The following CAMTA1 variants were observed in gnomAD, a reference collection of about 807,000 sequenced individuals.
CAMTA1 encodes calmodulin-binding transcription activator 1.
A neutral mutation model predicts 170.9 loss-of-function variants in CAMTA1; 27 were observed. That is an observed-to-expected ratio of 0.16 (90% CI 0.12 to 0.22). The LOEUF is 0.22. CAMTA1 is among the 10% of genes least tolerant of loss of function. The pLI is 1.00. For missense variants in CAMTA1, 1,619 were observed against 2,217.2 expected (o/e 0.73, Z 5.42); for synonymous variants, 833 against 891.5 (o/e 0.93, Z 1.17).
At chr1:7,394,932 C>T (rs753288124) in intron 5 of CAMTA1, among the ~76,000 whole-genome samples, 3 of 150,466 alleles carry the variant, frequency 2.0e-5, no homozygotes, top group Non-Finnish European at 4.4e-5. Flanking sequence ...GACCAGGCTG[C>T]AATGCAGTGG....
At position 7,561,158 on chromosome 1, in the gene CAMTA1, G is replaced by A. The variant is rs571029287; in HGVS notation, c.511-79242G>A. 7.9e-5 allele frequency among the ~76,000 whole-genome samples: 12 copies of A among 152,184 alleles called. No individual in the cohort carries two copies. Among genetic ancestry groups the A allele is most frequent in the East Asian group, 2.0e-4 (1 of 5,126 alleles). On this transcript the variant is annotated intron_variant, in intron 6 of 22. Transcript: ENST00000303635. This position sits in a 1 kb window ranked among gnomAD's most constrained non-coding sequence, Gnocchi z 5.3. ...GGCCAGGGGCTGGCCGAGGGGGGCCGGTGGGTGGTGAATGAAGGGCTCCCA... is the reference window on the plus strand; with the variant it reads ...GGCCAGGGGCTGGCCGAGGGGGGCCAGTGGGTGGTGAATGAAGGGCTCCCA...
intron 6 of CAMTA1, among the ~76,000 whole-genome samples, chr1:7,502,687 G>C (rs2094027157): frequency 6.6e-6 from 1 of 152,214 alleles, no homozygotes; most frequent in Admixed American, 6.5e-5. Flanking sequence ...CTGGAATCGG[G>C]CCCTCATAAA....
chr1:7,736,840 G>T lies in CAMTA1; in HGVS notation c.3264-91G>T. 9.7e-7 allele frequency: 1 copy of T among 1,035,866 alleles called. No homozygotes were observed. The highest frequency in any genetic ancestry group is 1.5e-6 in the Non-Finnish European group (1 of 677,042). 64.2% of individuals were successfully genotyped at this position (1,035,866 alleles called of 1,614,324 possible). On this transcript the variant is annotated intron_variant, in intron 13 of 22. Transcript: ENST00000303635. This position sits in a 1 kb window ranked among gnomAD's most constrained non-coding sequence, Gnocchi z 4.5. ...CCATGGGGATGTTATATACCCAGTT[G>T]GGTTTCATCTTGGTGGGGTTTTATA... is the stretch of plus-strand genomic sequence containing the variant.
In CAMTA1 at chr1:7,515,664, G is replaced by A. The variant is rs147204902; in HGVS notation, c.510+47763G>A. 2.4e-3 allele frequency among the ~76,000 whole-genome samples: 363 copies of A among 152,238 alleles called. 1 individual carries two copies. Among genetic ancestry groups the A allele is most frequent in the Non-Finnish European group, 4.0e-3 (272 of 68,010 alleles). ...ATCTCGGAGCGAGAGGCACCAGTGA[G>A]CAAATCCAGAGTCCAGGCTCCACCA... On this transcript the variant is annotated intron_variant, in intron 6 of 22. Coordinates refer to ENST00000303635, the MANE Select transcript of CAMTA1 (RefSeq NM_015215.4).
chr1:7,647,566 G>C (rs190040355), intron 7 of CAMTA1, among the ~76,000 whole-genome samples: 6 of 152,144 alleles, frequency 3.9e-5, no homozygotes, highest in Admixed American at 3.3e-4. Flanking sequence ...GCTGTTTGGG[G>C]ACCTGCTCTG....
intron 4 of CAMTA1, among the ~76,000 whole-genome samples, chr1:7,163,599 T>C (rs1647722846): frequency 6.6e-6 from 1 of 152,120 alleles, no homozygotes; most frequent in Non-Finnish European, 1.5e-5. Context: ...AGGACATCAA[T>C]TTAGCTCTAG....
At chr1:7,271,250 G>T (rs1233469979) in intron 5 of CAMTA1, among the ~76,000 whole-genome samples, 1 of 152,176 alleles carries the variant, frequency 6.6e-6, no homozygotes, top group Non-Finnish European at 1.5e-5. Context: ...GAAAGGCCAT[G>T]TGAGGATGTA....
chr1:7,348,106 C>A (rs995099259), intron 5 of CAMTA1, among the ~76,000 whole-genome samples: 2 of 152,176 alleles, frequency 1.3e-5, no homozygotes, highest in Admixed American at 6.5e-5. Flanking sequence ...CGCAGGGCCT[C>A]TGGTGTCTCT....
At chr1:6,811,297 CTA>C (rs1389704460) in intron 1 of CAMTA1, among the ~76,000 whole-genome samples, 1 of 152,148 alleles carries the variant, frequency 6.6e-6, no homozygotes, top group Non-Finnish European at 1.5e-5. Flanking sequence ...ACCTTTTTCT[CTA>C]TGTTAAGTAG....
chr1:7,141,770 G>A (rs968219723), intron 4 of CAMTA1, among the ~76,000 whole-genome samples: 3 of 152,202 alleles, frequency 2.0e-5, no homozygotes, highest in African/African-American at 7.2e-5. Flanking sequence ...GTTCTTTTAA[G>A]TATCCTTCTG....
intron 3 of CAMTA1, among the ~76,000 whole-genome samples, chr1:6,990,944 G>A (rs1696274934): frequency 1.3e-5 from 2 of 151,980 alleles, no homozygotes; most frequent in Non-Finnish European, 2.9e-5. Context: ...ACTGGTGACC[G>A]GAGGAGTGTA....
At chr1:7,520,476 G>C (rs537848198) in intron 6 of CAMTA1, among the ~76,000 whole-genome samples, 64 of 151,210 alleles carry the variant, frequency 4.2e-4, no homozygotes, top group Admixed American at 9.9e-4. Context: ...TCCAGTCTCA[G>C]GCGCCCATCC....
At chr1:7,354,490 A>G (rs1455833693) in intron 5 of CAMTA1, among the ~76,000 whole-genome samples, 1 of 152,206 alleles carries the variant, frequency 6.6e-6, no homozygotes, top group Non-Finnish European at 1.5e-5. Flanking sequence ...ATGGGCACCT[A>G]GGTTGATTCT....
intron 5 of CAMTA1, among the ~76,000 whole-genome samples, chr1:7,451,356 C>G (rs1255818366): frequency 6.6e-6 from 1 of 152,156 alleles, no homozygotes; most frequent in Non-Finnish European, 1.5e-5. Context: ...CAGGCTTTAC[C>G]TGGTGCAGGG....
At chr1:7,745,800 A>C (rs1273651640) in intron 17 of CAMTA1, 45 bp from the exon 18 acceptor site, 1 of 1,610,772 alleles carries the variant, frequency 6.2e-7, no homozygotes, top group South Asian at 1.1e-5. Flanking sequence ...TGGGTGGTGC[A>C]AATCAATCAT....
chr1:7,255,455 C>T (rs1439866383), intron 5 of CAMTA1, among the ~76,000 whole-genome samples: 5 of 152,056 alleles, frequency 3.3e-5, no homozygotes, highest in Middle Eastern at 3.2e-3. Context: ...TTTTTTCCCA[C>T]GTCTAGGTCC....
chr1:7,260,630 G>T (rs1341673443), intron 5 of CAMTA1, among the ~76,000 whole-genome samples: 2 of 152,222 alleles, frequency 1.3e-5, no homozygotes, highest in African/African-American at 4.8e-5. Flanking sequence ...TGGGTTAAAG[G>T]ATTGGGGTGT....
intron 6 of CAMTA1, among the ~76,000 whole-genome samples, chr1:7,471,930 G>A (rs143524393): frequency 6.6e-6 from 1 of 152,368 alleles, no homozygotes; most frequent in Non-Finnish European, 1.5e-5. Context: ...TTCCAGGCCA[G>A]ACTTCCCTGC....
chr1:7,261,346 A>G (rs906813799), intron 5 of CAMTA1, among the ~76,000 whole-genome samples: 1 of 152,190 alleles, frequency 6.6e-6, no homozygotes, highest in Non-Finnish European at 1.5e-5. Context: ...GTTGAGGTCT[A>G]TGTTTTGCAG....
Sources: gnomAD v4.1 joint callset for allele counts (sites outside exome capture counted in the v4.1 genomes callset) on GRCh38, gnomAD v4.1.1 for gene constraint, Gnocchi (gnomAD v3.1) non-coding constraint, MANE v1.5 for transcripts, NCBI Gene and HGNC (gene_info 2026-07-23, HGNC 2026-07-21) for gene names.